Variants in RIMBP2 observed in about 807,000 individuals in gnomAD.
RIMBP2 encodes the protein RIMS-binding protein 2.
RIMBP2 carries 48 observed loss-of-function variants against 118.6 expected under a neutral mutation model. The observed-to-expected ratio is 0.40, with a 90% CI of 0.32 to 0.51. The LOEUF is 0.51. Among genes scored for constraint, RIMBP2 ranks in the 20% least tolerant of loss-of-function variants. The pLI, the probability that RIMBP2 is intolerant of heterozygous loss-of-function variation, is 0.41. For synonymous variants in RIMBP2, 762 were observed against 742.9 expected, an observed-to-expected ratio of 1.03 and a Z score of -0.42; for missense variants, 1,551 against 1,768.3, an observed-to-expected ratio of 0.88 and a Z score of 2.20.
At position 130,646,104 on chromosome 12, in the gene RIMBP2, TCTC is replaced by T. The variant is rs1160522341; in HGVS notation, c.-351-17651_-351-17649del. On this transcript the variant is annotated intron_variant, in intron 1 of 22. Transcript: ENST00000690449. ...CTCACCACTTCCCTCTCCACCTCCC[TCTC>T]CACCTCCCTCACCACCTGCCTCTCC... Among the ~76,000 whole-genome samples, 65 of 134,352 alleles carry T rather than the reference TCTC, an allele frequency of 4.8e-4. 11 individuals carry two copies. The highest frequency in any genetic ancestry group is 1.1e-3 in the Admixed American group (14 of 13,230). 88.1% of individuals were successfully genotyped at this position (134,352 alleles called of 152,430 possible).
At chr12:130,441,097 G>A (rs1332936065) in intron 11 of RIMBP2, among the ~76,000 whole-genome samples, 3 of 152,116 alleles carry the variant, frequency 2.0e-5, no homozygotes, top group South Asian at 2.1e-4. Flanking sequence ...TGATGAAACT[G>A]CATCTCTTTT....
At chr12:130,633,869 C>G (rs867701606) in intron 1 of RIMBP2, 3 of 152,452 alleles carry the variant, frequency 2.0e-5, no homozygotes, top group Admixed American at 6.5e-5. Context: ...CGCCGGCCCC[C>G]CTTCCGGTCC....
intron 4 of RIMBP2, among the ~76,000 whole-genome samples, chr12:130,496,056 G>GCT (rs1344582226): frequency 2.0e-4 from 30 of 152,288 alleles, no homozygotes; most frequent in African/African-American, 7.0e-4. Flanking sequence ...TGTGGACCAC[G>GCT]GCAGAGAGTA....
intron 1 of RIMBP2, among the ~76,000 whole-genome samples, chr12:130,657,231 G>A (rs1040621149): frequency 4.6e-5 from 7 of 152,168 alleles, no homozygotes; most frequent in Admixed American, 3.9e-4. Context: ...AGTCATATGG[G>A]ATGAGGGCAC....
intron 2 of RIMBP2, among the ~76,000 whole-genome samples, chr12:130,574,422 A>G (rs1296223833): frequency 6.6e-6 from 1 of 152,158 alleles, no homozygotes; most frequent in Non-Finnish European, 1.5e-5. Flanking sequence ...AACAGAGTCA[A>G]ATTCTCATCT....
rs761002155 is a variant in RIMBP2 at position 130,664,391 on chromosome 12, A to ACG, written c.-351-35936_-351-35935insCG. ...CACGTGCATGCACGCACGCGCATGC[A>ACG]CACACACGCACGCACGCACGCACAC... On this transcript the variant is annotated intron_variant, in intron 1 of 22. Coordinates refer to ENST00000690449, the MANE Select transcript of RIMBP2 (RefSeq NM_001393629.1). Among the ~76,000 whole-genome samples the ACG allele has an allele frequency of 7.6e-3, 884 of 116,406 alleles. 21 individuals carry two copies. The highest frequency in any genetic ancestry group is 0.014 in the African/African-American group (430 of 31,536). The allele number at this position is 116,406 out of a possible 152,430, so 76.4% of individuals were successfully genotyped here.
chr12:130,510,075 T>A (rs1228241469), intron 3 of RIMBP2, among the ~76,000 whole-genome samples: 1 of 152,214 alleles, frequency 6.6e-6, no homozygotes, highest in Admixed American at 6.5e-5. Context: ...CAGCATCCAG[T>A]GCTTTGGTCA....
In RIMBP2 at chr12:130,419,263, G is replaced by A. The variant is rs915005212; in HGVS notation, c.3238+3190C>T. Reference sequence around the variant, plus strand: ...TGTCTGTCTGACCCTGGGGGGAGTGGGCACTGCCTCCCATCCTGCTGAGGA... The same window carrying A: ...TGTCTGTCTGACCCTGGGGGGAGTGAGCACTGCCTCCCATCCTGCTGAGGA... On this transcript the variant is annotated intron_variant, in intron 17 of 22. Transcript: ENST00000690449. The surrounding 1 kb of genome is among the most constrained non-coding windows in gnomAD (Gnocchi z 4.3). 4.6e-5 allele frequency among the ~76,000 whole-genome samples: 7 copies of A among 152,122 alleles called. No homozygotes were observed. Among genetic ancestry groups the A allele is most frequent in the African/African-American group, 1.7e-4 (7 of 41,428 alleles).
At chr12:130,489,209 G>C (rs964686037) in intron 4 of RIMBP2, among the ~76,000 whole-genome samples, 11 of 152,182 alleles carry the variant, frequency 7.2e-5, no homozygotes, top group African/African-American at 2.4e-4. Flanking sequence ...GTAGACGGTG[G>C]CTTGTCTACT....
intron 17 of RIMBP2, among the ~76,000 whole-genome samples, chr12:130,417,376 G>A (rs1164333472): frequency 6.6e-6 from 1 of 152,202 alleles, no homozygotes; most frequent in Non-Finnish European, 1.5e-5. Context: ...AAGATGTGGT[G>A]CGTATACCAC....
chr12:130,463,413 A>AT (rs2080180248), intron 6 of RIMBP2, among the ~76,000 whole-genome samples: 2 of 152,154 alleles, frequency 1.3e-5, no homozygotes, highest in Admixed American at 1.3e-4. Flanking sequence ...AGTCAACTGT[A>AT]ATTGGAACAA....
chr12:130,499,566 T>C (rs974101481), intron 4 of RIMBP2, among the ~76,000 whole-genome samples: 3 of 152,120 alleles, frequency 2.0e-5, no homozygotes, highest in African/African-American at 4.8e-5. Context: ...TTCTAACTAT[T>C]TCCCCGTGTT....
intron 4 of RIMBP2, among the ~76,000 whole-genome samples, chr12:130,506,322 G>GC (rs1382770389): frequency 6.6e-6 from 1 of 152,138 alleles, no homozygotes; most frequent in Non-Finnish European, 1.5e-5. Context: ...ACCCACTGTA[G>GC]CCACCTCTGG....
At chr12:130,608,835 A>G (rs535750470) in intron 2 of RIMBP2, among the ~76,000 whole-genome samples, 12 of 152,282 alleles carry the variant, frequency 7.9e-5, no homozygotes, top group Admixed American at 5.2e-4. Context: ...TAACCAATAC[A>G]TCGTCATTAA....
chr12:130,499,909 A>G (rs141682972), intron 4 of RIMBP2, among the ~76,000 whole-genome samples: 1 of 152,210 alleles, frequency 6.6e-6, no homozygotes, highest in Non-Finnish European at 1.5e-5. Context: ...TTTTGAATGA[A>G]TATATCTTTA....
At chr12:130,436,379 G>A (rs932199038) in intron 13 of RIMBP2, among the ~76,000 whole-genome samples, 2 of 152,196 alleles carry the variant, frequency 1.3e-5, no homozygotes, top group African/African-American at 2.4e-5. Context: ...ACAGATACGT[G>A]TATCTATGGG....
rs2056509949 is a variant in RIMBP2 at position 130,557,982 on chromosome 12, C to T, written c.-216-40065G>A. ...AAAGTCGGGCGATAATAGTGTCCAC[C>T]TCATTGTGTTGCAGAAGGAAATAAA... On this transcript the variant is annotated intron_variant, in intron 2 of 22. Coordinates refer to ENST00000690449, the MANE Select transcript of RIMBP2 (RefSeq NM_001393629.1). 2.6e-5 allele frequency among the ~76,000 whole-genome samples: 4 copies of T among 152,274 alleles called. No homozygotes were observed. The South Asian group carries it at 8.3e-4, about 32-fold the overall frequency.
chr12:130,701,758 G>T (rs1297931478), intron 1 of RIMBP2, among the ~76,000 whole-genome samples: 1 of 152,042 alleles, frequency 6.6e-6, no homozygotes, highest in Non-Finnish European at 1.5e-5. Flanking sequence ...CCAAATAATA[G>T]CACGTCTTTA....
intron 4 of RIMBP2, among the ~76,000 whole-genome samples, chr12:130,500,609 A>G (rs552327815): frequency 1.5e-3 from 163 of 108,550 alleles, no homozygotes; most frequent in Admixed American, 3.4e-3. Flanking sequence ...ATTTGGAAAC[A>G]AAAAAGCCAG....
Sources: gnomAD v4.1 joint callset for allele counts (sites outside exome capture counted in the v4.1 genomes callset) on GRCh38, gnomAD v4.1.1 for gene constraint, Gnocchi (gnomAD v3.1) non-coding constraint, MANE v1.5 for transcripts, NCBI Gene and HGNC (gene_info 2026-07-23, HGNC 2026-07-21) for gene names.